Variants in SLIT3 observed in about 807,000 individuals in gnomAD.
SLIT3 encodes the protein slit guidance ligand 3, also known as slit homolog 3 protein.
Under a neutral mutation model 184.0 loss-of-function variants are expected in SLIT3, and 68 were observed. That is an observed-to-expected ratio of 0.37 (90% CI 0.30 to 0.45). SLIT3 has a LOEUF of 0.45. Ranked by LOEUF, SLIT3 falls within the 20% of genes least tolerant of loss-of-function variation. The pLI is 1.00. For missense variants in SLIT3, 1,707 were observed against 2,026.0 expected, an observed-to-expected ratio of 0.84 and a Z score of 3.02; for synonymous variants, 831 against 828.6, an observed-to-expected ratio of 1.00 and a Z score of -0.05.
intron 4 of SLIT3, among the ~76,000 whole-genome samples, chr5:168,984,202 T>G (rs1184115802): frequency 6.6e-6 from 1 of 151,978 alleles, no homozygotes; most frequent in African/African-American, 2.4e-5. Context: ...CTTTAGAAAT[T>G]TTCAAAGGAG....
At chr5:168,724,390 A>G (rs1217996929) in intron 21 of SLIT3, 26 bp downstream of exon 21, 3 of 1,596,516 alleles carry the variant, frequency 1.9e-6, no homozygotes, top group Non-Finnish European at 2.6e-6. Flanking sequence ...AAAAATAAAC[A>G]TCCCACCCAA....
chr5:169,231,491 G>A lies in SLIT3; in HGVS notation c.341+13214C>T, dbSNP rs151125042. ...TCTTTTATGTCCGGTTTTTGTCCCCGATTATGCTTCTGAGATTTACCATGT... is the reference window on the plus strand; with the variant it reads ...TCTTTTATGTCCGGTTTTTGTCCCCAATTATGCTTCTGAGATTTACCATGT... On this transcript the variant is annotated intron_variant, in intron 3 of 35. Coordinates refer to ENST00000519560, the MANE Select transcript of SLIT3 (RefSeq NM_003062.4). Among the ~76,000 whole-genome samples, 186 of 152,242 alleles carry A rather than the reference G, an allele frequency of 1.2e-3. 1 individual carries two copies. The highest frequency in any genetic ancestry group is 3.4e-3 in the African/African-American group (142 of 41,544).
At chr5:169,116,204 T>C (rs1455168985) in intron 4 of SLIT3, among the ~76,000 whole-genome samples, 1 of 152,174 alleles carries the variant, frequency 6.6e-6, no homozygotes, top group Non-Finnish European at 1.5e-5. Context: ...GCAATAATTA[T>C]TGCAGGGCAA....
At chr5:168,867,207 C>G (rs1759334061) in intron 5 of SLIT3, among the ~76,000 whole-genome samples, 1 of 152,082 alleles carries the variant, frequency 6.6e-6, no homozygotes, top group Non-Finnish European at 1.5e-5. Context: ...CACGTGGCTA[C>G]AATGAAACCA....
intron 4 of SLIT3, among the ~76,000 whole-genome samples, chr5:169,156,985 G>T (rs911841178): frequency 6.6e-6 from 1 of 152,062 alleles, no homozygotes; most frequent in African/African-American, 2.4e-5. Context: ...CAGAAAACTT[G>T]AAGACAATAA....
At chr5:168,803,156 A>G (rs1402230578) in intron 9 of SLIT3, among the ~76,000 whole-genome samples, 2 of 152,268 alleles carry the variant, frequency 1.3e-5, no homozygotes, top group Non-Finnish European at 2.9e-5. Flanking sequence ...TACAATACAC[A>G]TAAAGTATAA....
chr5:169,083,021 C>T (rs1439451900), intron 4 of SLIT3, among the ~76,000 whole-genome samples: 1 of 151,106 alleles, frequency 6.6e-6, no homozygotes, highest in African/African-American at 2.4e-5. Flanking sequence ...TTTATTAAAT[C>T]TCTACCATAT....
chr5:168,722,949 A>G lies in SLIT3; in HGVS notation c.2395T>C (p.Ser799Pro). Residue 799 changes from serine (S) to proline (P), a missense_variant, in exon 22 of 36, where the codon TCT (serine) becomes CCT (proline). Physicochemically the swap from Ser to Pro is moderately conservative, Grantham distance 74. Around this residue, in one of 3 missense-constraint regions of SLIT3, gnomAD observed 1,307 missense variants for 1,511.6 expected, o/e 0.86. Transcript: ENST00000519560. ...TGTACTCACAGAGTGGAGAGGTGAGACATGTTACTGAAGGTGTAATTGGTC... is the reference window on the plus strand; with the variant it reads ...TGTACTCACAGAGTGGAGAGGTGAGGCATGTTACTGAAGGTGTAATTGGTC... The part of the protein sequence containing the change: ...MLTNYTFSNM[S>P]HLSTLILSYN... 6.2e-7 allele frequency: 1 copy of G among 1,613,638 alleles called. No homozygotes were observed. The highest frequency in any genetic ancestry group is 8.5e-7 in the Non-Finnish European group (1 of 1,179,520).
intron 1 of SLIT3, among the ~76,000 whole-genome samples, chr5:169,296,268 G>A (rs1351724886): frequency 6.6e-6 from 1 of 152,208 alleles, no homozygotes; most frequent in African/African-American, 2.4e-5. Flanking sequence ...CTGTGTGCCA[G>A]GCACTGTTCT....
intron 4 of SLIT3, among the ~76,000 whole-genome samples, chr5:168,939,299 A>C (rs1378374363): frequency 1.3e-5 from 2 of 152,202 alleles, no homozygotes; most frequent in Non-Finnish European, 2.9e-5. Context: ...CCTCTGAATC[A>C]CTACATTATA....
chr5:169,146,337 G>A (rs189078235), intron 4 of SLIT3, among the ~76,000 whole-genome samples: 3 of 152,292 alleles, frequency 2.0e-5, no homozygotes, highest in Admixed American at 1.3e-4. Flanking sequence ...AATACATGAC[G>A]CAGTGTTTGG....
intron 4 of SLIT3, among the ~76,000 whole-genome samples, chr5:169,138,844 C>T (rs1220497557): frequency 6.6e-6 from 1 of 152,202 alleles, no homozygotes; most frequent in Non-Finnish European, 1.5e-5. Context: ...ATGAAAATGC[C>T]CTAAGTGATA....
chr5:169,100,150 G>A (rs1759953614), intron 4 of SLIT3, among the ~76,000 whole-genome samples: 1 of 152,168 alleles, frequency 6.6e-6, no homozygotes. Flanking sequence ...GTAGGTTCAA[G>A]CCTGCAGCAG....
At chr5:168,833,638 G>A (rs938840508) in intron 6 of SLIT3, among the ~76,000 whole-genome samples, 1 of 152,222 alleles carries the variant, frequency 6.6e-6, no homozygotes, top group Admixed American at 6.5e-5. Flanking sequence ...AGATTAAAAG[G>A]TGATGGCATG....
chr5:168,829,452 C>T (rs1466281864), intron 6 of SLIT3, among the ~76,000 whole-genome samples: 1 of 152,222 alleles, frequency 6.6e-6, no homozygotes. Flanking sequence ...CCAAGAGATC[C>T]TCTTGGTGGG....
intron 4 of SLIT3, among the ~76,000 whole-genome samples, chr5:168,972,017 A>G (rs1754592962): frequency 6.6e-6 from 1 of 152,230 alleles, no homozygotes. Flanking sequence ...TTATGTAGTC[A>G]TGGTGATGGG....
chr5:168,763,831 G>C (rs949412171), intron 14 of SLIT3, among the ~76,000 whole-genome samples: 1 of 152,134 alleles, frequency 6.6e-6, no homozygotes, highest in African/African-American at 2.4e-5. Flanking sequence ...ACAAGAGATG[G>C]GTCCACATTT....
intron 16 of SLIT3, among the ~76,000 whole-genome samples, chr5:168,756,745 T>C (rs1462520160): frequency 6.6e-6 from 1 of 152,172 alleles, no homozygotes; most frequent in East Asian, 1.9e-4. Context: ...GTCACCCGAA[T>C]GCCAGAAGAG....
At chr5:168,916,472 C>T (rs1761438494) in intron 4 of SLIT3, among the ~76,000 whole-genome samples, 1 of 152,244 alleles carries the variant, frequency 6.6e-6, no homozygotes, top group Non-Finnish European at 1.5e-5. Context: ...CGGGGCCCTG[C>T]AGGCGCCAAG....
Sources: gnomAD v4.1 joint callset for allele counts (sites outside exome capture counted in the v4.1 genomes callset) on GRCh38, gnomAD v4.1.1 for gene constraint, gnomAD v4.1.1 regional missense constraint, MANE v1.5 for transcripts, NCBI Gene and HGNC (gene_info 2026-07-23, HGNC 2026-07-21) for gene names.